CFAP99: variants seen among roughly 807,000 people sequenced by gnomAD.
The protein encoded by CFAP99 is cilia- and flagella-associated protein 99.
Under a neutral mutation model 82.7 loss-of-function variants are expected in CFAP99, and 84 were observed. That is an observed-to-expected ratio of 1.02 (90% CI 0.85 to 1.22). The LOEUF (loss-of-function observed/expected upper bound fraction) is 1.22, where lower values mean the gene tolerates loss of function less well. CFAP99 is among the 50% of genes most tolerant of loss of function. The pLI is 0.00. For synonymous variants in CFAP99, 456 were observed against 429.5 expected (o/e 1.06, Z -0.76); for missense variants, 1,059 against 983.5 (o/e 1.08, Z -1.03).
At chr4:2,453,954 C>T (rs1734365381) in intron 11 of CFAP99, among the ~76,000 whole-genome samples, 1 of 151,474 alleles carries the variant, frequency 6.6e-6, no homozygotes, top group African/African-American at 2.4e-5. Flanking sequence ...GCTGGGACTA[C>T]AGGCGAGCAC....
At chr4:2,453,404 C>T (rs565962474) in intron 11 of CFAP99, among the ~76,000 whole-genome samples, 33 of 152,256 alleles carry the variant, frequency 2.2e-4, no homozygotes, top group Admixed American at 2.0e-3. Context: ...TAACTGGATA[C>T]GCAGGAGTCC....
intron 4 of CFAP99, among the ~76,000 whole-genome samples, chr4:2,439,091 T>C (rs6839908): frequency 0.49 from 73,804 of 152,076 alleles, 18,295 homozygotes; most frequent in East Asian, 0.65. Context: ...CCTGGGCCTG[T>C]TGCTGGCTGC....
intron 6 of CFAP99, 83 bp from the exon 7 acceptor site, chr4:2,449,587 C>A: frequency 3.1e-6 from 4 of 1,281,334 alleles, no homozygotes; most frequent in Non-Finnish European, 4.4e-6. Context: ...CCCACATCCA[C>A]CAAGCTGTCA....
intron 6 of CFAP99, 110 bp from the exon 7 acceptor site, chr4:2,449,560 C>T: frequency 1.0e-6 from 1 of 976,860 alleles, no homozygotes; most frequent in Non-Finnish European, 1.5e-6. Flanking sequence ...TGCAGGCCGC[C>T]ACCACCCTCC....
chr4:2,462,677 C>A lies in CFAP99; in HGVS notation c.1896C>A (p.Arg632=). The A allele has an allele frequency of 2.4e-6, 3 of 1,259,906 alleles. No homozygotes were observed. The highest frequency in any genetic ancestry group is 3.0e-6 in the Non-Finnish European group (3 of 1,003,374). The allele number at this position is 1,259,906 out of a possible 1,614,324, so 78.0% of individuals were successfully genotyped here. Residue 632 remains arginine (R), a synonymous_variant, in exon 15 of 15, where the codon CGC becomes CGA. Transcript: ENST00000635017. This position sits in a 1 kb window ranked among gnomAD's most constrained non-coding sequence, Gnocchi z 4.1. ...CCGGGTGGGGATGGCGGGCGCGGCG[C>A]GCAGGGACCGGCGTCCCGGGGCGGG... is the stretch of plus-strand genomic sequence containing the variant.
In CFAP99 at chr4:2,446,119, TG is replaced by T. The variant is rs2108727484; in HGVS notation, c.642+812del. ...ATGGTGCTGGGAGGCCCCAGAATCC[TG>T]CCCCACTCCCACCATCCTTCAGGTC... On this transcript the variant is annotated intron_variant, in intron 6 of 14. Transcript: ENST00000635017. The surrounding 1 kb of genome is among the most constrained non-coding windows in gnomAD (Gnocchi z 5.0). Among the ~76,000 whole-genome samples the T allele has an allele frequency of 2.6e-5, 4 of 152,316 alleles. 1 individual carries two copies. In the South Asian group the frequency reaches 8.3e-4, roughly 32 times the overall value.
Position 2,443,247 on chromosome 4 carries a change from G to T in CFAP99, c.464+5G>T. The T allele has an allele frequency of 6.6e-7, 1 of 1,521,334 alleles. No homozygotes were observed. The highest frequency in any genetic ancestry group is 8.8e-7 in the Non-Finnish European group (1 of 1,133,660). 94.2% of individuals were successfully genotyped at this position (1,521,334 alleles called of 1,614,324 possible). On this transcript the variant is annotated splice_donor_5th_base_variant and intron_variant, in intron 5 of 14. Transcript: ENST00000635017. Reference sequence around the variant, plus strand: ...CTGGATCGACCCCCTGATGAGGTAGGCTGGATGGGGGGCTCTGGGGGCCCT... The same window carrying T: ...CTGGATCGACCCCCTGATGAGGTAGTCTGGATGGGGGGCTCTGGGGGCCCT...
At chr4:2,440,741 C>T (rs1035766819) in intron 4 of CFAP99, among the ~76,000 whole-genome samples, 15 of 151,738 alleles carry the variant, frequency 9.9e-5, no homozygotes, top group Admixed American at 7.9e-4. Context: ...TACAGGCGCC[C>T]GCCACCACAC....
intron 4 of CFAP99, among the ~76,000 whole-genome samples, chr4:2,440,426 G>A (rs1348063579): frequency 6.0e-5 from 9 of 151,056 alleles, no homozygotes; most frequent in South Asian, 2.1e-4. Flanking sequence ...GATTACAGGC[G>A]TGAGCCACCG....
rs1734590526 is a variant in CFAP99, at chr4:2,460,259, G to C, written c.1661+17G>C. On this transcript the variant is annotated intron_variant, in intron 14 of 14. Coordinates refer to ENST00000635017, the Ensembl canonical transcript of CFAP99. ...AGCCTTGAGGTTGGTACTGGGCTCG[G>C]GGAGGGTGCCTCTGGGTGGACAGGG... 21 of 1,535,096 alleles carry C rather than the reference G, an allele frequency of 1.4e-5. No homozygotes were observed. The highest frequency in any genetic ancestry group is 1.7e-5 in the Non-Finnish European group (20 of 1,146,030).
intron 4 of CFAP99, among the ~76,000 whole-genome samples, chr4:2,441,372 CA>C (rs35201791): frequency 0.24 from 28,494 of 119,924 alleles, 3,327 homozygotes; most frequent in African/African-American, 0.37. Context: ...GACTCCATCT[CA>C]AAAAAAAAAA....
In CFAP99 at chr4:2,462,464, T is replaced by G; in HGVS notation, c.1683T>G (p.Leu561=). ...CCAGGTGGGAGGAAAAGAAGGCCCTTGCGGCGGCCCCGGCGGCGCCCTCGC... is the reference window on the plus strand; with the variant it reads ...CCAGGTGGGAGGAAAAGAAGGCCCTGGCGGCGGCCCCGGCGGCGCCCTCGC... Residue 561 remains leucine (L), a synonymous_variant, in exon 15 of 15, where the codon CTT becomes CTG. Transcript: ENST00000635017. The surrounding 1 kb of genome is among the most constrained non-coding windows in gnomAD (Gnocchi z 4.1). 1.4e-6 allele frequency: 2 copies of G among 1,466,038 alleles called. No individual in the cohort carries two copies. Among genetic ancestry groups the G allele is most frequent in the Non-Finnish European group, 1.8e-6 (2 of 1,119,078 alleles). 90.8% of individuals were successfully genotyped at this position (1,466,038 alleles called of 1,614,324 possible).
rs202190251 is a variant in CFAP99, at chr4:2,438,256, T to TTTTGTTTG, written c.351+108_351+115dup. 97 of 772,412 alleles carry TTTTGTTTG rather than the reference T, an allele frequency of 1.3e-4. 2 individuals are homozygous for TTTTGTTTG. Among genetic ancestry groups the TTTTGTTTG allele is most frequent in the Non-Finnish European group, 2.4e-5 (11 of 460,414 alleles). The allele number at this position is 772,412 out of a possible 1,614,324, so 47.8% of individuals were successfully genotyped here. On this transcript the variant is annotated intron_variant, in intron 4 of 14. Transcript: ENST00000635017. ...ACCTTTCGTCATTCTGGTTGGGTTG[T>TTTTGTTTG]TTTGTTTGTTTGTTTGTTTGTTTTG...
At chr4:2,420,546 C>T (rs1203791) in intron 1 of CFAP99, among the ~76,000 whole-genome samples, 24,725 of 152,080 alleles carry the variant, frequency 0.16, 2,178 homozygotes, top group East Asian at 0.34. Flanking sequence ...AGGCCTGGAG[C>T]AGTTGTATCT....
intron 3 of CFAP99, 133 bp from the exon 4 acceptor site, chr4:2,437,937 G>A (rs1733951731): frequency 5.1e-6 from 3 of 585,626 alleles, no homozygotes; most frequent in Non-Finnish European, 3.1e-6. Context: ...TCATTTTCAG[G>A]TGGGCACCAA....
intron 2 of CFAP99, among the ~76,000 whole-genome samples, chr4:2,429,777 G>T (rs987902712): frequency 6.6e-6 from 1 of 152,094 alleles, no homozygotes; most frequent in African/African-American, 2.4e-5. Flanking sequence ...ATTTTTAGTA[G>T]AGACGGGGTT....
At chr4:2,449,814 G>A (rs1443293620) in intron 7 of CFAP99, 64 bp downstream of exon 7, 3 of 1,530,396 alleles carry the variant, frequency 2.0e-6, no homozygotes, top group African/African-American at 2.7e-5. Flanking sequence ...AAGGGAAGGT[G>A]GGGTGGGGAG....
At position 2,460,082 on chromosome 4, in the gene CFAP99, C is replaced by G. The variant is rs927016722; in HGVS notation, c.1501C>G (p.Arg501Gly). 2.0e-6 allele frequency: 3 copies of G among 1,536,050 alleles called. No homozygotes were observed. The Admixed American group carries it at 5.9e-5, about 30-fold the overall frequency. ...AGGAGAGATGTCCATAGTGGAGCTGCGAGAGCGGCTGGCCCTGCTCAAAGA... is the reference window on the plus strand; with the variant it reads ...AGGAGAGATGTCCATAGTGGAGCTGGGAGAGCGGCTGGCCCTGCTCAAAGA... Residue 501 changes from arginine to glycine, a missense_variant, in exon 14 of 15, where the codon CGA becomes GGA. Transcript: ENST00000635017.
Position 2,444,895 on chromosome 4 carries a change from C to T in CFAP99, c.465-236C>T, listed in dbSNP as rs149360086. Among the ~76,000 whole-genome samples, 845 of 152,272 alleles carry T rather than the reference C, an allele frequency of 5.5e-3. 3 individuals carry two copies. The highest frequency in any genetic ancestry group is 0.017 in the African/African-American group (712 of 41,548). Reference sequence around the variant, plus strand: ...CCAGCATGGCCCAATGCCTCTGGGCCTATTTCCTGTATCTGTACAAGGGGA... The same window carrying T: ...CCAGCATGGCCCAATGCCTCTGGGCTTATTTCCTGTATCTGTACAAGGGGA... On this transcript the variant is annotated intron_variant, in intron 5 of 14. Coordinates refer to ENST00000635017, the Ensembl canonical transcript of CFAP99.
Sources: gnomAD v4.1 joint callset for allele counts (sites outside exome capture counted in the v4.1 genomes callset) on GRCh38, gnomAD v4.1.1 for gene constraint, Gnocchi (gnomAD v3.1) non-coding constraint, MANE v1.5 for transcripts, NCBI Gene and HGNC (gene_info 2026-07-23, HGNC 2026-07-21) for gene names.